The following CC2D2B variants were observed in gnomAD, a reference collection of about 807,000 sequenced individuals.
The protein encoded by CC2D2B is protein CC2D2B.
Under a neutral mutation model 161.2 loss-of-function variants are expected in CC2D2B, and 128 were observed. The ratio of observed to expected loss-of-function variants is 0.79; its 90% confidence interval spans 0.69 to 0.92. CC2D2B has a LOEUF of 0.92. CC2D2B is among the 40% of genes least tolerant of loss of function. CC2D2B has a pLI of 0.00. For synonymous variants in CC2D2B, 391 were observed against 449.8 expected (o/e 0.87, Z 1.65); for missense variants, 1,173 against 1,375.1 (o/e 0.85, Z 2.32).
intron 12 of CC2D2B, 39 bp downstream of exon 12, chr10:95,962,008 G>A (rs1042734436): frequency 8.2e-7 from 1 of 1,226,534 alleles, no homozygotes; most frequent in African/African-American, 1.6e-5. Context: ...GGTCTCCTGA[G>A]GAACTTCTCA....
intron 3 of CC2D2B, among the ~76,000 whole-genome samples, chr10:95,924,040 A>T (rs1021137046): frequency 2.1e-4 from 32 of 152,122 alleles, no homozygotes; most frequent in African/African-American, 7.5e-4. Context: ...TAAAAAAAAT[A>T]AAAAAGAAGG....
intron 29 of CC2D2B, among the ~76,000 whole-genome samples, 155 bp downstream of exon 29, chr10:96,014,032 A>G (rs562263677): frequency 2.9e-4 from 44 of 152,352 alleles, no homozygotes; most frequent in Middle Eastern, 3.4e-3. Flanking sequence ...ATAACAATCT[A>G]TGGAAATAAT....
rs1451185274 is a variant in CC2D2B at position 95,968,730 on chromosome 10, AC to A, written c.1474del (p.Gln492LysfsTer47). 1 of 1,193,404 alleles carries A rather than the reference AC, an allele frequency of 8.4e-7. No homozygotes were observed. Among genetic ancestry groups the A allele is most frequent in the African/African-American group, 1.6e-5 (1 of 63,604 alleles). The allele number at this position is 1,193,404 out of a possible 1,614,324, so 73.9% of individuals were successfully genotyped here. ...TSLSKCSLHE[Q>X]KRRAKIQKLK... is the part of the protein sequence containing the mutation. ...AGGTTTGTTTAATTTTTAGGCATGA[AC>A]AAAAAAGAAGAGCCAAAATTCAGAA... On this transcript the variant is annotated frameshift_variant, in exon 15 of 35. Transcript: ENST00000646931. LOFTEE classifies it high-confidence loss of function.
rs759468237 is a variant in CC2D2B at position 96,013,753 on chromosome 10, C to T, written c.3427-35C>T. On this transcript the variant is annotated intron_variant, in intron 28 of 34. Transcript: ENST00000646931. ...AGCATTGTGCTAAGTGATGGACATA[C>T]AGCACACACTCAATAAATGTGAATA... 58 of 1,294,938 alleles carry T rather than the reference C, an allele frequency of 4.5e-5. No individual in the cohort carries two copies. The South Asian group carries it at 6.8e-4, about 15-fold the overall frequency. The allele number at this position is 1,294,938 out of a possible 1,614,324, so 80.2% of individuals were successfully genotyped here.
In CC2D2B at chr10:95,971,607, C is replaced by T. The variant is rs180828441; in HGVS notation, c.1645-459C>T. Among the ~76,000 whole-genome samples, 7 of 152,202 alleles carry T rather than the reference C, an allele frequency of 4.6e-5. No individual in the cohort carries two copies. The South Asian group carries it at 6.2e-4, about 14-fold the overall frequency. Reference sequence around the variant, plus strand: ...TTTAACTCATCCTTGAATTTCATGACCAATCACTACCTTTTTCCTAAGCAA... The same window carrying T: ...TTTAACTCATCCTTGAATTTCATGATCAATCACTACCTTTTTCCTAAGCAA... On this transcript the variant is annotated intron_variant, in intron 15 of 34. Coordinates refer to ENST00000646931, the MANE Select transcript of CC2D2B (RefSeq NM_001349008.3).
intron 22 of CC2D2B, among the ~76,000 whole-genome samples, chr10:95,994,744 G>A (rs1008744075): frequency 1.3e-5 from 2 of 152,042 alleles, no homozygotes; most frequent in East Asian, 1.9e-4. Context: ...CCCTATACCC[G>A]CCGGTCATTC....
At chr10:95,911,277 CAAT>C (rs1038595312) in intron 1 of CC2D2B, 21 bp from the exon 2 acceptor site, 1 of 234,154 alleles carries the variant, frequency 4.3e-6, no homozygotes, top group Non-Finnish European at 8.1e-6. Flanking sequence ...ATGTCATTCT[CAAT>C]AATATTTCTT....
intron 24 of CC2D2B, among the ~76,000 whole-genome samples, chr10:96,001,376 T>A (rs1313169392): frequency 6.6e-6 from 1 of 152,176 alleles, no homozygotes; most frequent in African/African-American, 2.4e-5. Context: ...ATAATTTATT[T>A]TCTATAATTT....
At chr10:95,989,758 C>G (rs1183426309) in intron 20 of CC2D2B, among the ~76,000 whole-genome samples, 3 of 152,112 alleles carry the variant, frequency 2.0e-5, no homozygotes, top group African/African-American at 4.8e-5. Context: ...GTGAAGACTT[C>G]TTTGCTGAGG....
At chr10:96,029,294 A>ATATATATATGTATATC (rs2079959535) in intron 34 of CC2D2B, among the ~76,000 whole-genome samples, 3 of 125,526 alleles carry the variant, frequency 2.4e-5, no homozygotes, top group Admixed American at 8.4e-5. Context: ...ATGTATATAT[A>ATATATATATGTATATC]TATATATATA....
chr10:95,976,446 G>A (rs982742122), intron 17 of CC2D2B, among the ~76,000 whole-genome samples: 3 of 152,224 alleles, frequency 2.0e-5, no homozygotes, highest in African/African-American at 4.8e-5. Flanking sequence ...TCAGCAGGAA[G>A]TAAATTGCAA....
Position 96,019,698 on chromosome 10 carries a change from A to C in CC2D2B, c.3766-4A>C. On this transcript the variant is annotated splice_polypyrimidine_tract_variant and splice_region_variant and intron_variant, in intron 31 of 34. Transcript: ENST00000646931. The stretch of plus-strand genomic sequence containing the variant: ...ACACTAATGTTATATTAATGTTTTC[A>C]TAGGTCTGGTTTAATATTCAACAAA... 1 of 1,569,960 alleles carries C rather than the reference A, an allele frequency of 6.4e-7. No homozygotes were observed. The highest frequency in any genetic ancestry group is 8.6e-7 in the Non-Finnish European group (1 of 1,164,880).
At chr10:95,995,923 A>T (rs2078214251) in intron 23 of CC2D2B, among the ~76,000 whole-genome samples, 1 of 152,202 alleles carries the variant, frequency 6.6e-6, no homozygotes, top group Non-Finnish European at 1.5e-5. Flanking sequence ...GATAGACTTT[A>T]AAATCCTTAA....
chr10:96,001,221 T>A (rs1235123470), intron 24 of CC2D2B, among the ~76,000 whole-genome samples: 2 of 152,196 alleles, frequency 1.3e-5, no homozygotes, highest in Non-Finnish European at 2.9e-5. Context: ...ATTTCTCTCA[T>A]GAGCAGGTAT....
At chr10:95,945,929 T>C (rs997354859) in intron 9 of CC2D2B, among the ~76,000 whole-genome samples, 2 of 151,772 alleles carry the variant, frequency 1.3e-5, no homozygotes, top group African/African-American at 4.8e-5. Flanking sequence ...GGATTACAGG[T>C]GTGCACCACC....
intron 1 of CC2D2B, among the ~76,000 whole-genome samples, chr10:95,909,131 C>G (rs1300315607): frequency 6.6e-6 from 1 of 152,090 alleles, no homozygotes; most frequent in Non-Finnish European, 1.5e-5. Context: ...GCCGTTTGTT[C>G]CTAAGTTTTG....
intron 6 of CC2D2B, among the ~76,000 whole-genome samples, chr10:95,931,911 G>A (rs202142447): frequency 2.6e-5 from 4 of 152,224 alleles, no homozygotes; most frequent in Non-Finnish European, 5.9e-5. Flanking sequence ...GTCCAGAGCT[G>A]AGTTCAAGTC....
At chr10:95,926,856 G>GTGTGTGTGTC (rs1393422279) in intron 5 of CC2D2B, among the ~76,000 whole-genome samples, 1 of 144,240 alleles carries the variant, frequency 6.9e-6, no homozygotes, top group Non-Finnish European at 1.5e-5. Context: ...GTCTGTGTGT[G>GTGTGTGTGTC]TGTGTGTGTG....
At position 95,926,352 on chromosome 10, in the gene CC2D2B, T is replaced by C. The variant is rs370051664; in HGVS notation, c.241-885T>C. ...AAGATTTCAGCAAGTGATTTTGAGA[T>C]GTGCAGAGGTGATGGGGGGTAAAAG... On this transcript the variant is annotated intron_variant, in intron 5 of 34. Coordinates refer to ENST00000646931, the MANE Select transcript of CC2D2B (RefSeq NM_001349008.3). Among the ~76,000 whole-genome samples, 37 of 152,248 alleles carry C rather than the reference T, an allele frequency of 2.4e-4. No individual in the cohort carries two copies. In the South Asian group the frequency reaches 3.1e-3, roughly 13 times the overall value.
Sources: gnomAD v4.1 joint callset for allele counts (sites outside exome capture counted in the v4.1 genomes callset) on GRCh38, gnomAD v4.1.1 for gene constraint, MANE v1.5 for transcripts, NCBI Gene and HGNC (gene_info 2026-07-23, HGNC 2026-07-21) for gene names.